The following DOCK8 variants were observed in gnomAD, a reference collection of about 807,000 sequenced individuals.
The protein encoded by DOCK8 is dedicator of cytokinesis 8, also known as dedicator of cytokinesis protein 8.
Under a neutral mutation model 245.6 loss-of-function variants are expected in DOCK8, and 141 were observed. That is an observed-to-expected ratio of 0.57 (90% CI 0.50 to 0.66). The LOEUF is 0.66. Among genes scored for constraint, DOCK8 ranks in the 30% least tolerant of loss-of-function variants. The probability of loss-of-function intolerance (pLI) is 0.00; values close to 1 mark genes in which losing one functional copy is unlikely to be tolerated. For synonymous variants in DOCK8, 1,168 were observed against 970.2 expected, an observed-to-expected ratio of 1.20 and a Z score of -3.79; for missense variants, 2,965 against 2,603.4, an observed-to-expected ratio of 1.14 and a Z score of -3.02.
intron 46 of DOCK8, among the ~76,000 whole-genome samples, chr9:455,878 G>A (rs868803761): frequency 3.9e-5 from 6 of 151,998 alleles, no homozygotes; most frequent in Admixed American, 6.5e-5. Context: ...TGCTCAAACT[G>A]CTGCACCTTG....
At chr9:227,135 A>G (rs907332920) in intron 1 of DOCK8, among the ~76,000 whole-genome samples, 2 of 152,178 alleles carry the variant, frequency 1.3e-5, no homozygotes, top group Non-Finnish European at 2.9e-5. Flanking sequence ...ATGCATGCAT[A>G]TTTTGCAAGT....
chr9:401,582 T>G (rs915808465), intron 26 of DOCK8, among the ~76,000 whole-genome samples: 1 of 152,082 alleles, frequency 6.6e-6, no homozygotes, highest in Non-Finnish European at 1.5e-5. Context: ...AGGCAGGCAC[T>G]AAATGGATGA....
At chr9:305,808 A>G (rs2049800401) in intron 5 of DOCK8, among the ~76,000 whole-genome samples, 2 of 152,210 alleles carry the variant, frequency 1.3e-5, no homozygotes, top group Non-Finnish European at 2.9e-5. Context: ...CCATGTTTCC[A>G]AAAGTTAAGC....
intron 14 of DOCK8, among the ~76,000 whole-genome samples, chr9:350,925 C>CAT (rs2052137242): frequency 6.6e-6 from 1 of 152,144 alleles, no homozygotes; most frequent in Admixed American, 6.5e-5. Flanking sequence ...GGCAGAGATT[C>CAT]ATACCCTTTC....
intron 18 of DOCK8, 99 bp downstream of exon 18, chr9:372,385 A>T (rs1323910249): frequency 1.0e-6 from 1 of 957,912 alleles, no homozygotes; most frequent in South Asian, 1.3e-5. Flanking sequence ...ATGGATGTTC[A>T]TCATGTTCTC....
At chr9:366,136 C>G (rs972749529) in intron 14 of DOCK8, 3 of 161,802 alleles carry the variant, frequency 1.9e-5, no homozygotes, top group African/African-American at 7.2e-5. Context: ...CTGAGCACCC[C>G]AGAATTCTAT....
chr9:212,172 G>A (rs1408545856), upstream of DOCK8, among the ~76,000 whole-genome samples: 2 of 152,130 alleles, frequency 1.3e-5, no homozygotes, highest in Non-Finnish European at 1.5e-5. Flanking sequence ...TTTTTATAAA[G>A]GACTTGGAGC....
At chr9:437,590 A>G (rs1292413081) in intron 39 of DOCK8, among the ~76,000 whole-genome samples, 1 of 152,254 alleles carries the variant, frequency 6.6e-6, no homozygotes, top group Non-Finnish European at 1.5e-5. Flanking sequence ...AATTCTAGAC[A>G]GCATTAACAA....
chr9:449,972 A>T, intron 45 of DOCK8, 45 bp downstream of exon 45: 1 of 1,608,654 alleles, frequency 6.2e-7, no homozygotes, highest in Non-Finnish European at 8.5e-7. Context: ...CTTATTATTT[A>T]GGTTGTCATT....
intron 25 of DOCK8, among the ~76,000 whole-genome samples, chr9:397,491 C>A (rs997657752): frequency 6.6e-6 from 1 of 151,874 alleles, no homozygotes; most frequent in Non-Finnish European, 1.5e-5. Flanking sequence ...GCATTCGAGA[C>A]CAGCCTGGCC....
intron 1 of DOCK8, among the ~76,000 whole-genome samples, chr9:219,187 G>C (rs1397027408): frequency 2.0e-5 from 3 of 152,196 alleles, no homozygotes; most frequent in South Asian, 2.1e-4. Context: ...GGAACAAACA[G>C]AGCTGGGTGC....
intron 46 of DOCK8, among the ~76,000 whole-genome samples, chr9:457,748 A>G (rs1399143873): frequency 6.6e-6 from 1 of 152,212 alleles, no homozygotes; most frequent in African/African-American, 2.4e-5. Flanking sequence ...ATATTGTACA[A>G]ATAGTTCATT....
chr9:253,427 A>C (rs2047697082), intron 1 of DOCK8, among the ~76,000 whole-genome samples: 1 of 152,138 alleles, frequency 6.6e-6, no homozygotes, highest in Admixed American at 6.5e-5. Context: ...AAAAAAGACC[A>C]CAGTCTACTT....
At chr9:272,672 C>T (rs2048195378) in intron 2 of DOCK8, among the ~76,000 whole-genome samples, 2 of 152,234 alleles carry the variant, frequency 1.3e-5, no homozygotes, top group Non-Finnish European at 2.9e-5. Context: ...CAGTGAGCCA[C>T]TGCACCTGGC....
chr9:352,114 C>T (rs1267690601), intron 14 of DOCK8, among the ~76,000 whole-genome samples: 2 of 151,970 alleles, frequency 1.3e-5, no homozygotes, highest in Non-Finnish European at 2.9e-5. Context: ...GCCTAGAACT[C>T]GGGGAATGGG....
chr9:422,013 A>C, intron 32 of DOCK8, 35 bp from the exon 33 acceptor site: 1 of 1,552,784 alleles, frequency 6.4e-7, no homozygotes, highest in Non-Finnish European at 8.9e-7. Context: ...GTTTCATGCT[A>C]ATCAAATTCC....
Position 327,140 on chromosome 9 carries a change from C to G in DOCK8, c.895-882C>G, listed in dbSNP as rs979349666. Among the ~76,000 whole-genome samples the G allele has an allele frequency of 2.6e-5, 4 of 152,294 alleles. No individual in the cohort carries two copies. In the East Asian group the frequency reaches 7.7e-4, roughly 29 times the overall value. ...GCTAGACCGCTGACTAAGCTTCCCC[C>G]AGCCGTTCAAGCCTCTGAGATATTT... On this transcript the variant is annotated intron_variant, in intron 8 of 47. Coordinates refer to ENST00000432829, the MANE Select transcript of DOCK8 (RefSeq NM_203447.4).
At chr9:305,256 CTGTTAT>C (rs1329657045) in intron 5 of DOCK8, among the ~76,000 whole-genome samples, 2 of 151,970 alleles carry the variant, frequency 1.3e-5, no homozygotes, top group Admixed American at 6.6e-5. Flanking sequence ...ATGCTGGTCA[CTGTTAT>C]TGTTATTGTC....
chr9:390,632 T>G, intron 24 of DOCK8, 66 bp downstream of exon 24: 2 of 1,518,232 alleles, frequency 1.3e-6, no homozygotes, highest in East Asian at 4.5e-5. Flanking sequence ...AGAAAGGAAT[T>G]GACATTTTGT....
Sources: gnomAD v4.1 joint callset for allele counts (sites outside exome capture counted in the v4.1 genomes callset) on GRCh38, gnomAD v4.1.1 for gene constraint, MANE v1.5 for transcripts, NCBI Gene and HGNC (gene_info 2026-07-23, HGNC 2026-07-21) for gene names.